Variants in XKR4 observed in about 807,000 individuals in gnomAD.
XKR4 encodes the protein XK related 4, also known as XK-related protein 4.
In XKR4, 12 loss-of-function variants were observed where a neutral mutation model predicts 53.9. The ratio of observed to expected loss-of-function variants is 0.22; its 90% CI spans 0.14 to 0.36. The LOEUF (loss-of-function observed/expected upper bound fraction) is 0.36. Ranked by LOEUF, XKR4 falls within the 10% of genes least tolerant of loss-of-function variation. XKR4 has a pLI of 1.00. For missense variants in XKR4, 799 were observed against 859.5 expected, an observed-to-expected ratio of 0.93 and a Z score of 0.88; for synonymous variants, 354 against 362.4, an observed-to-expected ratio of 0.98 and a Z score of 0.26.
At chr8:55,438,599 AAAAAAAAAG>A in intron 2 of XKR4, among the ~76,000 whole-genome samples, 1 of 151,194 alleles carries the variant, frequency 6.6e-6, no homozygotes, top group Non-Finnish European at 1.5e-5. Context: ...TGAAAAAAAA[AAAAAAAAAG>A]AGAGAGAGAC....
At chr8:55,103,351 C>G (rs1816086563) in intron 1 of XKR4, 57 bp downstream of exon 1, 3 of 1,526,422 alleles carry the variant, frequency 2.0e-6, no homozygotes, top group African/African-American at 2.8e-5. Context: ...ATCCCCACTG[C>G]TTTGCTTTTG....
intron 1 of XKR4, among the ~76,000 whole-genome samples, chr8:55,350,025 TAC>T (rs752141491): frequency 3.9e-4 from 60 of 152,058 alleles, no homozygotes; most frequent in Non-Finnish European, 8.5e-4. Flanking sequence ...CACACACACA[TAC>T]ACACACACAC....
chr8:55,270,610 CTG>C (rs1818676299), intron 1 of XKR4, among the ~76,000 whole-genome samples: 1 of 152,194 alleles, frequency 6.6e-6, no homozygotes, highest in Admixed American at 6.5e-5. Flanking sequence ...TTATGCAATA[CTG>C]TTGGAGTTTG....
chr8:55,330,978 A>T (rs1194548939), intron 1 of XKR4, among the ~76,000 whole-genome samples: 1 of 152,104 alleles, frequency 6.6e-6, no homozygotes, highest in Non-Finnish European at 1.5e-5. Context: ...ATTTAATTTT[A>T]TATTTTAATC....
At chr8:55,174,231 GA>G (rs1048442402) in intron 1 of XKR4, among the ~76,000 whole-genome samples, 8 of 151,936 alleles carry the variant, frequency 5.3e-5, no homozygotes, top group Non-Finnish European at 1.2e-4. Flanking sequence ...TGGGAACACT[GA>G]AAAAATATCT....
chr8:55,181,156 T>A (rs988319066), intron 1 of XKR4, among the ~76,000 whole-genome samples: 1 of 152,184 alleles, frequency 6.6e-6, no homozygotes, highest in Non-Finnish European at 1.5e-5. Context: ...CCTACTCTGG[T>A]TTCTGATGTT....
intron 2 of XKR4, chr8:55,449,692 C>T: frequency 1.1e-6 from 1 of 886,214 alleles, no homozygotes; most frequent in East Asian, 2.4e-5. Context: ...CCACCTCCAC[C>T]AGGTCGATGA....
In XKR4 at chr8:55,155,646, GA is replaced by G. The variant is rs1287210239; in HGVS notation, c.806+52361del. Among the ~76,000 whole-genome samples the G allele has an allele frequency of 4.3e-4, 61 of 142,032 alleles. 1 individual carries two copies. Among genetic ancestry groups the G allele is most frequent in the Admixed American group, 1.3e-3 (18 of 14,360 alleles). 93.2% of individuals were successfully genotyped at this position (142,032 alleles called of 152,430 possible). Reference sequence around the variant, plus strand: ...ATAAAGGCATTAAGAGAGAGAGAGAGAAAAAAAAATCTAAAGTTCTAAATTA... The same window carrying G: ...ATAAAGGCATTAAGAGAGAGAGAGAGAAAAAAAATCTAAAGTTCTAAATTA... On this transcript the variant is annotated intron_variant, in intron 1 of 2. Coordinates refer to ENST00000327381, the MANE Select transcript of XKR4 (RefSeq NM_052898.2).
chr8:55,187,846 A>T (rs1406147449), intron 1 of XKR4, among the ~76,000 whole-genome samples: 1 of 152,218 alleles, frequency 6.6e-6, no homozygotes, highest in Non-Finnish European at 1.5e-5. Context: ...CTCATGAAAC[A>T]TGTCCAGGAG....
intron 1 of XKR4, among the ~76,000 whole-genome samples, chr8:55,307,868 G>C (rs2129377835): frequency 6.6e-6 from 1 of 152,272 alleles, no homozygotes; most frequent in African/African-American, 2.4e-5. Context: ...GAGAATGGTA[G>C]AGCCACTCTA....
chr8:55,212,942 A>T (rs1817749934), intron 1 of XKR4, among the ~76,000 whole-genome samples: 1 of 152,244 alleles, frequency 6.6e-6, no homozygotes, highest in Non-Finnish European at 1.5e-5. Flanking sequence ...CATAAAATTT[A>T]TTGAAAAGGA....
At chr8:55,148,089 T>A (rs1400086709) in intron 1 of XKR4, among the ~76,000 whole-genome samples, 1 of 152,150 alleles carries the variant, frequency 6.6e-6, no homozygotes, top group Non-Finnish European at 1.5e-5. Context: ...TTGCAAAAAA[T>A]GCATGAACAC....
At chr8:55,251,728 G>A (rs796144935) in intron 1 of XKR4, among the ~76,000 whole-genome samples, 35 of 152,196 alleles carry the variant, frequency 2.3e-4, no homozygotes, top group Admixed American at 6.5e-4. Flanking sequence ...TTCTAATACC[G>A]TTGTCGCTTA....
At chr8:55,290,184 C>T (rs1031494922) in intron 1 of XKR4, among the ~76,000 whole-genome samples, 1 of 148,440 alleles carries the variant, frequency 6.7e-6, no homozygotes, top group African/African-American at 2.5e-5. Context: ...GGCTAGAGTG[C>T]AGTGGTGCGA....
chr8:55,164,043 A>G (rs781576269), intron 1 of XKR4: 65 of 356,066 alleles, frequency 1.8e-4, no homozygotes, highest in Non-Finnish European at 3.5e-4. Flanking sequence ...GCACACATGC[A>G]CACAACTGTT....
intron 2 of XKR4, among the ~76,000 whole-genome samples, chr8:55,389,900 T>C (rs1804419436): frequency 6.6e-6 from 1 of 152,172 alleles, no homozygotes; most frequent in Non-Finnish European, 1.5e-5. Context: ...ACAGCTAATA[T>C]TTCTCTTTCC....
At chr8:55,269,241 G>T (rs1438904449) in intron 1 of XKR4, among the ~76,000 whole-genome samples, 3 of 151,122 alleles carry the variant, frequency 2.0e-5, no homozygotes, top group Non-Finnish European at 3.0e-5. Flanking sequence ...TTAGTCATTT[G>T]TTTATTTTGT....
At chr8:55,338,591 G>A (rs570888462) in intron 1 of XKR4, among the ~76,000 whole-genome samples, 98 of 152,242 alleles carry the variant, frequency 6.4e-4, no homozygotes, top group Admixed American at 3.5e-3. Flanking sequence ...ACAAGTCCTG[G>A]GACAAAAAGT....
chr8:55,248,368 T>C (rs1347944901), intron 1 of XKR4, among the ~76,000 whole-genome samples: 1 of 152,246 alleles, frequency 6.6e-6, no homozygotes, highest in African/African-American at 2.4e-5. Flanking sequence ...GTTTCTGCCA[T>C]TTGACATTCA....
Sources: gnomAD v4.1 joint callset for allele counts (sites outside exome capture counted in the v4.1 genomes callset) on GRCh38, gnomAD v4.1.1 for gene constraint, MANE v1.5 for transcripts, NCBI Gene and HGNC (gene_info 2026-07-23, HGNC 2026-07-21) for gene names.